The following NLGN1 variants were observed in gnomAD, a reference collection of about 807,000 sequenced individuals.
The protein encoded by NLGN1 is neuroligin 1.
A neutral mutation model predicts 65.5 loss-of-function variants in NLGN1; 12 were observed. The ratio of observed to expected loss-of-function variants is 0.18; its 90% confidence interval spans 0.12 to 0.30. The LOEUF (loss-of-function observed/expected upper bound fraction) is 0.30. Ranked by LOEUF, NLGN1 falls within the 10% of genes least tolerant of loss-of-function variation. NLGN1 has a pLI of 1.00. For missense variants in NLGN1, 750 were observed against 1,007.1 expected, an observed-to-expected ratio of 0.74 and a Z score of 3.46; for synonymous variants, 350 against 359.5, an observed-to-expected ratio of 0.97 and a Z score of 0.30.
intron 4 of NLGN1, among the ~76,000 whole-genome samples, chr3:174,230,450 G>A (rs1358749325): frequency 6.6e-6 from 1 of 151,888 alleles, no homozygotes; most frequent in Non-Finnish European, 1.5e-5. Flanking sequence ...TATTATTGGT[G>A]TGTAAACTTT....
chr3:174,228,863 T>C (rs928074307), intron 4 of NLGN1, among the ~76,000 whole-genome samples: 2 of 152,110 alleles, frequency 1.3e-5, no homozygotes, highest in African/African-American at 4.8e-5. Context: ...TAGACTATTA[T>C]ATTTATTATA....
At chr3:174,050,237 C>T (rs1445966273) in intron 4 of NLGN1, among the ~76,000 whole-genome samples, 2 of 152,082 alleles carry the variant, frequency 1.3e-5, no homozygotes, top group African/African-American at 2.4e-5. Flanking sequence ...GACTAGTATT[C>T]AAAAGGATGG....
At chr3:173,410,322 C>T (rs1028661793) in intron 1 of NLGN1, among the ~76,000 whole-genome samples, 1 of 152,208 alleles carries the variant, frequency 6.6e-6, no homozygotes, top group African/African-American at 2.4e-5. Context: ...TACATAAACA[C>T]GGACACACTG....
chr3:173,968,542 A>C (rs1715387156), intron 4 of NLGN1, among the ~76,000 whole-genome samples: 1 of 152,012 alleles, frequency 6.6e-6, no homozygotes, highest in South Asian at 2.1e-4. Flanking sequence ...CTTATAATTA[A>C]GTGTGTTAAT....
intron 3 of NLGN1, among the ~76,000 whole-genome samples, chr3:173,651,723 A>AT (rs909728602): frequency 1.1e-4 from 16 of 151,060 alleles, no homozygotes; most frequent in Non-Finnish European, 1.3e-4. Context: ...GATGTTGAGC[A>AT]TTTTTTTTTA....
chr3:173,547,439 G>C (rs1197674792), intron 2 of NLGN1, among the ~76,000 whole-genome samples: 1 of 152,124 alleles, frequency 6.6e-6, no homozygotes, highest in East Asian at 1.9e-4. Context: ...GTGCTGCGGA[G>C]CCTGGGTTTC....
intron 4 of NLGN1, among the ~76,000 whole-genome samples, chr3:173,963,811 C>G (rs1282695327): frequency 6.6e-6 from 1 of 152,166 alleles, no homozygotes; most frequent in Non-Finnish European, 1.5e-5. Flanking sequence ...ACACCCATTC[C>G]TGGTGAACAG....
intron 4 of NLGN1, among the ~76,000 whole-genome samples, chr3:174,146,290 G>T (rs1399736063): frequency 3.9e-5 from 6 of 151,926 alleles, no homozygotes; most frequent in African/African-American, 1.5e-4. Context: ...TACAATTGTT[G>T]TCTATCAAAT....
At chr3:173,446,646 C>A (rs1471406129) in intron 2 of NLGN1, among the ~76,000 whole-genome samples, 1 of 152,188 alleles carries the variant, frequency 6.6e-6, no homozygotes, top group Non-Finnish European at 1.5e-5. Flanking sequence ...GGCACACCAA[C>A]TTCCACAATG....
chr3:174,255,336 T>C (rs1745487496), intron 4 of NLGN1, among the ~76,000 whole-genome samples: 1 of 147,658 alleles, frequency 6.8e-6, no homozygotes, highest in African/African-American at 2.5e-5. Context: ...CTCAGGAGGC[T>C]GAGGCAGGAG....
intron 2 of NLGN1, among the ~76,000 whole-genome samples, chr3:173,498,611 T>C (rs1350564227): frequency 6.6e-6 from 1 of 151,804 alleles, no homozygotes; most frequent in Non-Finnish European, 1.5e-5. Context: ...TAGTTCTAGA[T>C]CCCTGAGGAA....
At chr3:173,854,527 C>T (rs1208741140) in intron 4 of NLGN1, among the ~76,000 whole-genome samples, 2 of 151,974 alleles carry the variant, frequency 1.3e-5, no homozygotes, top group Non-Finnish European at 2.9e-5. Context: ...AACTTCTCTT[C>T]TTATCTACAA....
intron 3 of NLGN1, among the ~76,000 whole-genome samples, chr3:173,670,783 T>A (rs1177889757): frequency 6.6e-6 from 1 of 152,204 alleles, no homozygotes; most frequent in Non-Finnish European, 1.5e-5. Flanking sequence ...CATAAAACGA[T>A]GTTTATCATT....
intron 3 of NLGN1, among the ~76,000 whole-genome samples, chr3:173,615,083 T>C (rs1442711791): frequency 6.6e-6 from 1 of 152,118 alleles, no homozygotes; most frequent in Non-Finnish European, 1.5e-5. Flanking sequence ...CTCCGCAGTT[T>C]AGCAAAGGGT....
rs183633911 is a variant in NLGN1, at chr3:173,862,605, A to G, written c.646+54773A>G. Among the ~76,000 whole-genome samples the G allele has an allele frequency of 2.4e-3, 371 of 151,702 alleles. 2 individuals carry two copies. Among genetic ancestry groups the G allele is most frequent in the African/African-American group, 8.7e-3 (360 of 41,470 alleles). ...ATGTAAAAATAGAGGGTACGCATAT[A>G]TGTTTGTATTAATCAATGCCTAAAA... is the stretch of plus-strand genomic sequence containing the variant. On this transcript the variant is annotated intron_variant, in intron 4 of 6. Coordinates refer to ENST00000457714, the Ensembl canonical transcript of NLGN1.
intron 4 of NLGN1, among the ~76,000 whole-genome samples, chr3:174,035,991 G>A (rs1041968747): frequency 2.0e-5 from 3 of 152,016 alleles, no homozygotes; most frequent in South Asian, 4.1e-4. Context: ...GGTCTGATGT[G>A]GGAAATGACA....
Position 174,248,325 on chromosome 3 carries a change from G to T in NLGN1, c.647-26990G>T, listed in dbSNP as rs537529845. 1.2e-4 allele frequency among the ~76,000 whole-genome samples: 18 copies of T among 152,206 alleles called. No individual in the cohort carries two copies. The South Asian group carries it at 3.3e-3, about 28-fold the overall frequency. Reference sequence around the variant, plus strand: ...TCTCAAATGTTTATCTTCTAATAGGGAACAGAGTCAGGCAAATAGACAGTT... The same window carrying T: ...TCTCAAATGTTTATCTTCTAATAGGTAACAGAGTCAGGCAAATAGACAGTT... On this transcript the variant is annotated intron_variant, in intron 4 of 6. Transcript: ENST00000457714.
chr3:173,624,565 T>G (rs909337546), intron 3 of NLGN1, among the ~76,000 whole-genome samples: 2 of 152,128 alleles, frequency 1.3e-5, no homozygotes, highest in Non-Finnish European at 2.9e-5. Context: ...TTTAAGAAGA[T>G]TTAGAATACA....
chr3:173,882,581 C>T (rs561194044), intron 4 of NLGN1, among the ~76,000 whole-genome samples: 1 of 152,330 alleles, frequency 6.6e-6, no homozygotes, highest in East Asian at 1.9e-4. Context: ...TTCTTTCAAC[C>T]TCATGAATCA....
Sources: allele counts gnomAD v4.1 joint callset (sites outside exome capture counted in the v4.1 genomes callset), GRCh38; gene constraint gnomAD v4.1.1; transcripts MANE v1.5; gene names NCBI Gene and HGNC (gene_info 2026-07-23, HGNC 2026-07-21).